ARHGAP24: variants seen among roughly 807,000 people sequenced by gnomAD.
The protein encoded by ARHGAP24 is Rho GTPase activating protein 24.
Under a neutral mutation model 76.4 loss-of-function variants are expected in ARHGAP24, and 50 were observed. That is an observed-to-expected ratio of 0.65 (90% CI 0.52 to 0.83). ARHGAP24 has a LOEUF of 0.83. Among genes scored for constraint, ARHGAP24 ranks in the 40% least tolerant of loss-of-function variants. ARHGAP24 has a pLI of 0.00. For missense variants in ARHGAP24, 930 were observed against 914.2 expected (o/e 1.02, Z -0.22); for synonymous variants, 345 against 323.3 (o/e 1.07, Z -0.72).
At position 85,503,326 on chromosome 4, in the gene ARHGAP24, G is replaced by A. The variant is rs370382676; in HGVS notation, c.-21+27767G>A. Among the ~76,000 whole-genome samples, 416 of 152,202 alleles carry A rather than the reference G, an allele frequency of 2.7e-3. 2 individuals carry two copies. Among genetic ancestry groups the A allele is most frequent in the African/African-American group, 9.1e-3 (377 of 41,510 alleles). On this transcript the variant is annotated intron_variant, in intron 1 of 9. Coordinates refer to ENST00000395184, the MANE Select transcript of ARHGAP24 (RefSeq NM_001025616.3). ...CCTCTTTGTACCTCTGATAGAATTC[G>A]GCTATAAATCCATCTGGTCCTGGAC... is the stretch of plus-strand genomic sequence containing the variant.
chr4:85,606,835 A>G (rs1010059435), intron 2 of ARHGAP24, among the ~76,000 whole-genome samples: 1 of 152,226 alleles, frequency 6.6e-6, no homozygotes, highest in African/African-American at 2.4e-5. Flanking sequence ...GCTATGGTGA[A>G]AACTTAAACC....
chr4:85,535,787 C>T (rs986668165), intron 1 of ARHGAP24, among the ~76,000 whole-genome samples: 1 of 152,066 alleles, frequency 6.6e-6, no homozygotes, highest in African/African-American at 2.4e-5. Context: ...TTTTAGAAAC[C>T]GGTATTCCTA....
intron 2 of ARHGAP24, among the ~76,000 whole-genome samples, chr4:85,691,493 A>G (rs934989580): frequency 9.9e-5 from 15 of 152,180 alleles, no homozygotes; most frequent in Admixed American, 2.6e-4. Context: ...TCATAGGTCA[A>G]GAAGGATTTG....
intron 2 of ARHGAP24, among the ~76,000 whole-genome samples, chr4:85,627,936 T>G (rs991568113): frequency 6.6e-6 from 1 of 152,116 alleles, no homozygotes; most frequent in Non-Finnish European, 1.5e-5. Context: ...AAGCGCAGTA[T>G]TAGGGTGGGA....
intron 3 of ARHGAP24, among the ~76,000 whole-genome samples, chr4:85,814,069 A>G (rs774272107): frequency 6.6e-5 from 10 of 151,942 alleles, no homozygotes; most frequent in Non-Finnish European, 4.4e-5. Flanking sequence ...ATCAGATCTC[A>G]TGAGACTTAT....
At chr4:85,511,827 C>T (rs530883658) in intron 1 of ARHGAP24, among the ~76,000 whole-genome samples, 53 of 152,252 alleles carry the variant, frequency 3.5e-4, no homozygotes, top group African/African-American at 1.1e-3. Flanking sequence ...AGGAGGGCCA[C>T]GCTCCCTCTG....
chr4:85,583,868 A>G (rs1411153911), intron 2 of ARHGAP24, among the ~76,000 whole-genome samples: 3 of 149,052 alleles, frequency 2.0e-5, no homozygotes, highest in Admixed American at 6.8e-5. Context: ...CCATCAGAGA[A>G]ATGCAAATCA....
intron 3 of ARHGAP24, among the ~76,000 whole-genome samples, chr4:85,735,323 G>A (rs1428915673): frequency 6.6e-6 from 1 of 151,894 alleles, no homozygotes; most frequent in Non-Finnish European, 1.5e-5. Context: ...CACGTGTTTT[G>A]CTTCTTTTTG....
At chr4:85,805,984 T>C (rs934523030) in intron 3 of ARHGAP24, among the ~76,000 whole-genome samples, 1 of 152,210 alleles carries the variant, frequency 6.6e-6, no homozygotes, top group African/African-American at 2.4e-5. Context: ...CCAGGTTAAG[T>C]ATCTCTTCTT....
At chr4:85,504,356 C>T (rs965356505) in intron 1 of ARHGAP24, among the ~76,000 whole-genome samples, 6 of 152,126 alleles carry the variant, frequency 3.9e-5, no homozygotes, top group Non-Finnish European at 7.3e-5. Flanking sequence ...GAGTCTAAGT[C>T]TCTTTGTAGG....
At chr4:85,953,674 G>T (rs1737745070) in intron 5 of ARHGAP24, among the ~76,000 whole-genome samples, 1 of 151,942 alleles carries the variant, frequency 6.6e-6, no homozygotes, top group African/African-American at 2.4e-5. Flanking sequence ...CTGCCCAGAG[G>T]CAGGAACCCT....
chr4:86,001,046 T>C lies in ARHGAP24; in HGVS notation c.*324T>C. Reference sequence around the variant, plus strand: ...ATGTTAAATCAATATGTTGTTGCAATTTAGCTTGCTTTCAAGCTTCACCCC... The same window carrying C: ...ATGTTAAATCAATATGTTGTTGCAACTTAGCTTGCTTTCAAGCTTCACCCC... On this transcript the variant is annotated 3_prime_UTR_variant, in exon 10 of 10. Coordinates refer to ENST00000395184, the MANE Select transcript of ARHGAP24 (RefSeq NM_001025616.3). 1 of 472,102 alleles carries C rather than the reference T, an allele frequency of 2.1e-6. No homozygotes were observed. Among genetic ancestry groups the C allele is most frequent in the Non-Finnish European group, 3.7e-6 (1 of 270,682 alleles). The allele number at this position is 472,102 out of a possible 1,614,324, so 29.2% of individuals were successfully genotyped here.
At chr4:85,996,826 A>T (rs1740689482) in intron 9 of ARHGAP24, among the ~76,000 whole-genome samples, 1 of 152,186 alleles carries the variant, frequency 6.6e-6, no homozygotes, top group African/African-American at 2.4e-5. Flanking sequence ...ATTACTGCCA[A>T]TCCATGATGA....
At chr4:85,686,374 C>T (rs1264076681) in intron 2 of ARHGAP24, among the ~76,000 whole-genome samples, 3 of 152,182 alleles carry the variant, frequency 2.0e-5, no homozygotes, top group African/African-American at 4.8e-5. Flanking sequence ...CCTTTATATA[C>T]TTAGTGTGCG....
chr4:85,729,571 A>G (rs1725314356), intron 3 of ARHGAP24, among the ~76,000 whole-genome samples: 1 of 152,160 alleles, frequency 6.6e-6, no homozygotes, highest in South Asian at 2.1e-4. Context: ...GTCCTCTCAC[A>G]GTGTTGGTAG....
intron 3 of ARHGAP24, among the ~76,000 whole-genome samples, chr4:85,733,157 G>A (rs761430697): frequency 3.8e-4 from 53 of 138,410 alleles, no homozygotes; most frequent in African/African-American, 1.2e-3. Flanking sequence ...TCTGCCTCCC[G>A]GGTTCACACC....
chr4:85,968,941 G>A (rs112954296), intron 5 of ARHGAP24, among the ~76,000 whole-genome samples: 3,268 of 152,068 alleles, frequency 0.021, 141 homozygotes, highest in African/African-American at 0.076. Flanking sequence ...AATTAGCTGT[G>A]TGCATATATA....
At chr4:85,718,759 A>G (rs574024530) in intron 2 of ARHGAP24, among the ~76,000 whole-genome samples, 1 of 152,316 alleles carries the variant, frequency 6.6e-6, no homozygotes, top group East Asian at 1.9e-4. Flanking sequence ...AAAATATAAA[A>G]TTTATATAAT....
intron 8 of ARHGAP24, among the ~76,000 whole-genome samples, chr4:85,978,724 A>C (rs1739477706): frequency 6.6e-6 from 1 of 152,134 alleles, no homozygotes; most frequent in Non-Finnish European, 1.5e-5. Flanking sequence ...ACACACATAC[A>C]CACATCTTAA....
Sources: allele counts gnomAD v4.1 joint callset (sites outside exome capture counted in the v4.1 genomes callset), GRCh38; gene constraint gnomAD v4.1.1; transcripts MANE v1.5; gene names NCBI Gene and HGNC (gene_info 2026-07-23, HGNC 2026-07-21).